Variants in CDH23 observed in about 807,000 individuals in gnomAD.
CDH23 encodes cadherin-23.
In CDH23, 189 loss-of-function variants were observed where a neutral mutation model predicts 317.1. The ratio of observed to expected loss-of-function variants is 0.60; its 90% CI spans 0.53 to 0.67. CDH23 has a LOEUF of 0.67. Ranked by LOEUF, CDH23 falls within the 30% of genes least tolerant of loss-of-function variation. The pLI is 0.00. For missense variants in CDH23, 4,401 were observed against 4,592.4 expected, an observed-to-expected ratio of 0.96 and a Z score of 1.20; for synonymous variants, 1,839 against 1,876.8, an observed-to-expected ratio of 0.98 and a Z score of 0.52.
rs144438238 is a variant in CDH23 at position 71,510,309 on chromosome 10, C to T, written c.288+85C>T. ...GGAAGGACGGCCCGCCATCTTTTGG[C>T]GTCTTCCTCTAAGACCCCATTCTGA... On this transcript the variant is annotated intron_variant, in intron 4 of 69. Transcript: ENST00000224721. 241 of 1,489,074 alleles carry T rather than the reference C, an allele frequency of 1.6e-4. 2 individuals are homozygous for T. The African/African-American group carries it at 2.8e-3, about 17-fold the overall frequency. The allele number at this position is 1,489,074 out of a possible 1,614,324, so 92.2% of individuals were successfully genotyped here.
chr10:71,793,700 C>A, intron 48 of CDH23, 60 bp downstream of exon 48: 1 of 1,195,938 alleles, frequency 8.4e-7, no homozygotes, highest in Non-Finnish European at 1.2e-6. Context: ...CTCCTCGCTC[C>A]CTGCTTCCCC....
At chr10:71,614,089 G>T (rs778430249) in intron 9 of CDH23, among the ~76,000 whole-genome samples, 18 of 152,230 alleles carry the variant, frequency 1.2e-4, no homozygotes, top group Non-Finnish European at 2.4e-4. Context: ...GCCAGTCAGT[G>T]GTCCAGGGAA....
chr10:71,812,407 G>A lies in CDH23; in HGVS notation c.9381-73G>A, dbSNP rs777943521. ...TGGCCAGGGAAATGGGCAGGATGTG[G>A]GGTGAGGCTGGAAGGGCACCTGTCT... On this transcript the variant is annotated intron_variant, in intron 66 of 69. Coordinates refer to ENST00000224721, the MANE Select transcript of CDH23 (RefSeq NM_022124.6). 11 of 1,608,354 alleles carry A rather than the reference G, an allele frequency of 6.8e-6. No individual in the cohort carries two copies. In the African/African-American group the frequency reaches 1.5e-4, roughly 21 times the overall value.
chr10:71,638,279 CT>C (rs1862370543), intron 11 of CDH23, among the ~76,000 whole-genome samples: 2 of 152,200 alleles, frequency 1.3e-5, no homozygotes, highest in African/African-American at 2.4e-5. Context: ...CGTCACGCCC[CT>C]GGGTCACTAA....
chr10:71,451,272 C>T (rs140826021), intron 3 of CDH23, among the ~76,000 whole-genome samples: 6 of 152,330 alleles, frequency 3.9e-5, no homozygotes, highest in African/African-American at 1.2e-4. Context: ...CCCTCACCCA[C>T]GCTGCGGCCT....
chr10:71,404,019 G>A lies in CDH23; in HGVS notation c.-6+6701G>A, dbSNP rs953898125. On this transcript the variant is annotated intron_variant, in intron 1 of 69. Coordinates refer to ENST00000224721, the MANE Select transcript of CDH23 (RefSeq NM_022124.6). Reference sequence around the variant, plus strand: ...AGGCAGGAGAATCTCTTCAACCCGGGAGGCAGAGGTTGCCATGAGCCGAGA... The same window carrying A: ...AGGCAGGAGAATCTCTTCAACCCGGAAGGCAGAGGTTGCCATGAGCCGAGA... Among the ~76,000 whole-genome samples, 20 of 152,180 alleles carry A rather than the reference G, an allele frequency of 1.3e-4. 1 individual carries two copies. Among genetic ancestry groups the A allele is most frequent in the African/African-American group, 4.8e-4 (20 of 41,436 alleles).
chr10:71,677,703 C>G lies in CDH23; in HGVS notation c.1752+10C>G, dbSNP rs1312115269. ...GCTGGTGCGGCTCCGGGTAAGGTGC[C>G]AGGGAGCCCTGCACTCCTGCCATTT... On this transcript the variant is annotated intron_variant, in intron 16 of 69. Coordinates refer to ENST00000224721, the MANE Select transcript of CDH23 (RefSeq NM_022124.6). 1.9e-6 allele frequency: 3 copies of G among 1,548,082 alleles called. No homozygotes were observed. The South Asian group carries it at 3.6e-5, about 18-fold the overall frequency.
intron 9 of CDH23, among the ~76,000 whole-genome samples, chr10:71,589,761 C>G (rs540781575): frequency 3.2e-4 from 48 of 152,198 alleles, no homozygotes; most frequent in Non-Finnish European, 6.0e-4. Context: ...CTAACATTCT[C>G]CTGCACGTTG....
intron 3 of CDH23, among the ~76,000 whole-genome samples, chr10:71,475,259 G>A (rs968350249): frequency 8.5e-5 from 13 of 152,208 alleles, no homozygotes; most frequent in Non-Finnish European, 1.6e-4. Flanking sequence ...GCCCAGGAGC[G>A]TCCCTGACCT....
chr10:71,600,563 C>T (rs187334793), intron 9 of CDH23, among the ~76,000 whole-genome samples: 142 of 145,026 alleles, frequency 9.8e-4, no homozygotes, highest in Admixed American at 2.3e-3. Flanking sequence ...TGTCACCAGG[C>T]TGGAGTGCAG....
At chr10:71,434,174 A>T (rs1457839426) in intron 1 of CDH23, among the ~76,000 whole-genome samples, 1 of 152,140 alleles carries the variant, frequency 6.6e-6, no homozygotes, top group East Asian at 1.9e-4. Context: ...CCAGATATCC[A>T]CATGGCCCAC....
chr10:71,810,044 A>T lies in CDH23; in HGVS notation c.8947A>T (p.Thr2983Ser), dbSNP rs1244997024. The change falls in exon 61 of 70, where the codon ACT becomes TCT. Residue 2983 changes from threonine (T) to serine (S), a missense_variant. Transcript: ENST00000224721. ...GTTCATCCACCTGCTCTCCAACATCACTGGGGCCATTGTCAATACTGACAA... is the reference window on the plus strand; with the variant it reads ...GTTCATCCACCTGCTCTCCAACATCTCTGGGGCCATTGTCAATACTGACAA... Reference protein sequence around the residue: ...EEFIHLLSNITGAIVNTDNVQ... With the variant: ...EEFIHLLSNISGAIVNTDNVQ... The T allele has an allele frequency of 6.2e-7, 1 of 1,612,520 alleles. No individual in the cohort carries two copies. Among genetic ancestry groups the T allele is most frequent in the Admixed American group, 1.7e-5 (1 of 60,024 alleles).
chr10:71,694,068 C>T, intron 20 of CDH23, 79 bp from the exon 21 acceptor site: 1 of 1,115,972 alleles, frequency 9.0e-7, no homozygotes, highest in Non-Finnish European at 1.3e-6. Context: ...TCTCTCCTTC[C>T]CTCGCTCTCT....
chr10:71,656,848 C>T (rs1191422642), intron 14 of CDH23, among the ~76,000 whole-genome samples: 2 of 152,006 alleles, frequency 1.3e-5, no homozygotes, highest in Non-Finnish European at 2.9e-5. Flanking sequence ...GGGAGCCCAT[C>T]GTGGGTAGCA....
intron 38 of CDH23, among the ~76,000 whole-genome samples, chr10:71,775,199 C>T (rs1867977): frequency 0.39 from 59,368 of 151,994 alleles, 11,841 homozygotes; most frequent in East Asian, 0.47. Context: ...AGGTGGACAC[C>T]GGGCCCTTCT....
At chr10:71,749,699 A>G (rs1337613081) in intron 38 of CDH23, 1 of 152,468 alleles carries the variant, frequency 6.6e-6, no homozygotes, top group Non-Finnish European at 1.5e-5. Context: ...TTTGGGCCTA[A>G]CTGGGGGGCT....
chr10:71,602,729 G>A (rs571076038), intron 9 of CDH23, among the ~76,000 whole-genome samples: 151 of 152,178 alleles, frequency 9.9e-4, no homozygotes, highest in African/African-American at 3.5e-3. Flanking sequence ...CCTGCCCCAG[G>A]CACCCAGTTC....
intron 10 of CDH23, 120 bp downstream of exon 10, chr10:71,615,736 C>T (rs1290748706): frequency 1.2e-5 from 8 of 690,400 alleles, no homozygotes; most frequent in African/African-American, 8.8e-5. Context: ...ACTTCGCTTC[C>T]GTGCTCTCAC....
chr10:71,776,555 A>G (rs1421723014), intron 38 of CDH23, among the ~76,000 whole-genome samples: 1 of 152,232 alleles, frequency 6.6e-6, no homozygotes, highest in Non-Finnish European at 1.5e-5. Flanking sequence ...AAAGGGTTCA[A>G]CTGAAGAGAG....
Sources: gnomAD v4.1 joint callset for allele counts (sites outside exome capture counted in the v4.1 genomes callset) on GRCh38, gnomAD v4.1.1 for gene constraint, MANE v1.5 for transcripts, NCBI Gene and HGNC (gene_info 2026-07-23, HGNC 2026-07-21) for gene names.